TFEC: variants seen among roughly 807,000 people sequenced by gnomAD.
TFEC encodes transcription factor EC.
In TFEC, 31 loss-of-function variants were observed where a neutral mutation model predicts 41.6. The observed-to-expected ratio is 0.74, with a 90% CI of 0.56 to 1.01. TFEC has a LOEUF of 1.01. Ranked by LOEUF, TFEC falls within the 50% of genes least tolerant of loss-of-function variation. The pLI, the probability that TFEC is intolerant of heterozygous loss-of-function variation, is 0.00. For missense variants in TFEC, 402 were observed against 404.1 expected, an observed-to-expected ratio of 0.99 and a Z score of 0.04; for synonymous variants, 143 against 140.6, an observed-to-expected ratio of 1.02 and a Z score of -0.12.
chr7:116,069,877 G>A (rs963768604), intron 3 of TFEC, among the ~76,000 whole-genome samples: 4 of 151,486 alleles, frequency 2.6e-5, no homozygotes, highest in Admixed American at 6.6e-5. Context: ...ATTTTAATCT[G>A]TCAAAATATG....
At chr7:115,962,334 A>G (rs1302139262) in intron 3 of TFEC, among the ~76,000 whole-genome samples, 1 of 151,814 alleles carries the variant, frequency 6.6e-6, no homozygotes, top group Non-Finnish European at 1.5e-5. Flanking sequence ...AGAAATAGAA[A>G]AATGCATTTT....
chr7:116,067,639 G>T (rs1220927842), intron 3 of TFEC, among the ~76,000 whole-genome samples: 1 of 151,904 alleles, frequency 6.6e-6, no homozygotes, highest in African/African-American at 2.4e-5. Flanking sequence ...TTCTGAATAT[G>T]CATTTACTTG....
intron 4 of TFEC, among the ~76,000 whole-genome samples, chr7:115,955,666 T>C (rs1242129068): frequency 1.4e-4 from 21 of 152,080 alleles, no homozygotes; most frequent in Admixed American, 1.4e-3. Flanking sequence ...AAATGTTTAT[T>C]ACTTTGAGAT....
At chr7:115,966,531 G>A (rs927308237) in intron 3 of TFEC, among the ~76,000 whole-genome samples, 6 of 151,468 alleles carry the variant, frequency 4.0e-5, no homozygotes, top group African/African-American at 1.5e-4. Flanking sequence ...TATTATAATT[G>A]TCATTTTAAA....
chr7:116,019,221 C>G (rs1322323307), intron 1 of TFEC, among the ~76,000 whole-genome samples: 1 of 150,258 alleles, frequency 6.7e-6, no homozygotes, highest in Non-Finnish European at 1.5e-5. Flanking sequence ...AGGCACCCCT[C>G]AATCTACCCT....
intron 1 of TFEC, among the ~76,000 whole-genome samples, chr7:116,012,415 G>A (rs1044563406): frequency 2.0e-5 from 3 of 152,038 alleles, no homozygotes; most frequent in Admixed American, 2.0e-4. Flanking sequence ...GTGACCTTTT[G>A]ATATCATTTT....
At chr7:116,049,460 G>A (rs1426953528) in intron 3 of TFEC, among the ~76,000 whole-genome samples, 1 of 152,134 alleles carries the variant, frequency 6.6e-6, no homozygotes, top group Non-Finnish European at 1.5e-5. Context: ...CCCAATACAA[G>A]AGCACCCAGA....
chr7:116,060,737 G>A (rs1796535088), intron 3 of TFEC, among the ~76,000 whole-genome samples: 1 of 152,044 alleles, frequency 6.6e-6, no homozygotes, highest in Admixed American at 6.6e-5. Context: ...AAGGAGAGGA[G>A]CAGAAAAGAT....
chr7:115,999,364 G>A (rs1334825354), intron 1 of TFEC, among the ~76,000 whole-genome samples: 1 of 151,552 alleles, frequency 6.6e-6, no homozygotes, highest in Non-Finnish European at 1.5e-5. Context: ...AAAGTTTATG[G>A]GTATAAACAC....
At chr7:116,108,239 G>A (rs1336067969) in intron 3 of TFEC, among the ~76,000 whole-genome samples, 1 of 151,990 alleles carries the variant, frequency 6.6e-6, no homozygotes, top group Non-Finnish European at 1.5e-5. Flanking sequence ...GTTTACTCAA[G>A]GTCAATGAAA....
intron 3 of TFEC, among the ~76,000 whole-genome samples, chr7:116,102,164 T>C (rs1048318379): frequency 6.6e-6 from 1 of 152,168 alleles, no homozygotes; most frequent in African/African-American, 2.4e-5. Context: ...TAGTCTAGCT[T>C]AGAAAAGTAT....
intron 3 of TFEC, among the ~76,000 whole-genome samples, chr7:116,047,185 C>T (rs1224509854): frequency 6.6e-6 from 1 of 151,994 alleles, no homozygotes; most frequent in Non-Finnish European, 1.5e-5. Flanking sequence ...GGGTGTAGCC[C>T]ATGGAGCAGG....
intron 1 of TFEC, among the ~76,000 whole-genome samples, chr7:116,028,894 A>C (rs1349349593): frequency 6.6e-6 from 1 of 151,952 alleles, no homozygotes; most frequent in Non-Finnish European, 1.5e-5. Flanking sequence ...CTGACTATTC[A>C]AACCACTGTT....
intron 1 of TFEC, among the ~76,000 whole-genome samples, chr7:116,016,883 C>T (rs1219896312): frequency 6.6e-6 from 1 of 151,946 alleles, no homozygotes; most frequent in Non-Finnish European, 1.5e-5. Flanking sequence ...ATTTATATGT[C>T]CCAAGCACTT....
chr7:116,014,278 A>G (rs1481570978), intron 1 of TFEC, among the ~76,000 whole-genome samples: 1 of 152,164 alleles, frequency 6.6e-6, no homozygotes, highest in Non-Finnish European at 1.5e-5. Flanking sequence ...AGAAATGAAT[A>G]AGTGCATATA....
intron 1 of TFEC, among the ~76,000 whole-genome samples, chr7:116,159,615 T>C (rs576694936): frequency 2.0e-5 from 3 of 152,192 alleles, no homozygotes; most frequent in South Asian, 2.1e-4. Flanking sequence ...AAAAAACAAA[T>C]AGCAGCATTA....
At chr7:115,970,767 T>G (rs1584612385) in intron 3 of TFEC, among the ~76,000 whole-genome samples, 1 of 151,884 alleles carries the variant, frequency 6.6e-6, no homozygotes. Context: ...CCCTCTCTCT[T>G]GCTCCCTCTC....
At chr7:116,018,288 C>G (rs751494688) in intron 1 of TFEC, among the ~76,000 whole-genome samples, 6 of 152,160 alleles carry the variant, frequency 3.9e-5, no homozygotes, top group Non-Finnish European at 7.3e-5. Context: ...TTCCAGAGTT[C>G]ATACTCTTCA....
At chr7:116,068,544 C>G (rs540797055) in intron 3 of TFEC, among the ~76,000 whole-genome samples, 5 of 151,550 alleles carry the variant, frequency 3.3e-5, no homozygotes, top group African/African-American at 1.2e-4. Context: ...CCATAATGCA[C>G]TACAGTCATA....
Sources: gnomAD v4.1 joint callset for allele counts (sites outside exome capture counted in the v4.1 genomes callset) on GRCh38, gnomAD v4.1.1 for gene constraint, MANE v1.5 for transcripts, NCBI Gene and HGNC (gene_info 2026-07-23, HGNC 2026-07-21) for gene names.